Variants in CTNND2 observed in about 807,000 individuals in gnomAD.
CTNND2 encodes catenin delta-2.
In CTNND2, 22 loss-of-function variants were observed where a neutral mutation model predicts 144.4. That is an observed-to-expected ratio of 0.15 (90% CI 0.11 to 0.22). CTNND2 has a LOEUF of 0.22. CTNND2 is among the 10% of genes least tolerant of loss of function. The pLI, the probability that CTNND2 is intolerant of heterozygous loss-of-function variation, is 1.00. For missense variants in CTNND2, 1,353 were observed against 1,618.8 expected (o/e 0.84, Z 2.82); for synonymous variants, 751 against 695.6 (o/e 1.08, Z -1.25).
At position 11,276,825 on chromosome 5, in the gene CTNND2, A is replaced by G. The variant is rs546759802; in HGVS notation, c.1629-40002T>C. On this transcript the variant is annotated intron_variant, in intron 9 of 21. Coordinates refer to ENST00000304623, the MANE Select transcript of CTNND2 (RefSeq NM_001332.4). ...ACACAGAGAGGAAGGCCACGTGAAG[A>G]TGGAGGTGGAGATTGGAGTGGTGAG... Among the ~76,000 whole-genome samples, 34 of 152,238 alleles carry G rather than the reference A, an allele frequency of 2.2e-4. No homozygotes were observed. In the South Asian group the frequency reaches 7.1e-3, roughly 32 times the overall value.
intron 2 of CTNND2, among the ~76,000 whole-genome samples, chr5:11,715,650 CATGCA>C (rs1243533189): frequency 6.6e-6 from 1 of 152,142 alleles, no homozygotes; most frequent in Non-Finnish European, 1.5e-5. Flanking sequence ...TGCTTCAATT[CATGCA>C]TAGCTTCTTA....
intron 9 of CTNND2, among the ~76,000 whole-genome samples, chr5:11,252,442 C>G (rs1743763357): frequency 6.6e-6 from 1 of 152,162 alleles, no homozygotes; most frequent in African/African-American, 2.4e-5. Flanking sequence ...AGATTATCTC[C>G]TGTACATAAC....
intron 11 of CTNND2, 60 bp from the exon 12 acceptor site, chr5:11,159,819 C>G (rs1758589808): frequency 7.3e-7 from 1 of 1,368,232 alleles, no homozygotes; most frequent in African/African-American, 1.5e-5. Context: ...ATCTCCAAAA[C>G]TGTCTTCCTT....
At chr5:11,038,197 G>T (rs1046619917) in intron 16 of CTNND2, among the ~76,000 whole-genome samples, 6 of 152,112 alleles carry the variant, frequency 3.9e-5, no homozygotes, top group Admixed American at 2.6e-4. Flanking sequence ...TAGGGCAGGG[G>T]TCCCCAAGCC....
Position 10,973,758 on chromosome 5 carries a change from G to A in CTNND2, c.3418-45C>T, listed in dbSNP as rs372302309. 1 of 1,537,892 alleles carries A rather than the reference G, an allele frequency of 6.5e-7. No individual in the cohort carries two copies. Among genetic ancestry groups the A allele is most frequent in the Non-Finnish European group, 8.7e-7 (1 of 1,144,096 alleles). On this transcript the variant is annotated intron_variant, in intron 21 of 21. Coordinates refer to ENST00000304623, the MANE Select transcript of CTNND2 (RefSeq NM_001332.4). The surrounding 1 kb of genome is among the most constrained non-coding windows in gnomAD (Gnocchi z 5.6). Reference sequence around the variant, plus strand: ...CACACTGGGTTACTTGGTTTCCCTTGACTCAGCCTGCCTCTTGCCCCGGCA... The same window carrying A: ...CACACTGGGTTACTTGGTTTCCCTTAACTCAGCCTGCCTCTTGCCCCGGCA...
At position 11,359,425 on chromosome 5, in the gene CTNND2, C is replaced by T. The variant is rs117090975; in HGVS notation, c.1372+5271G>A. On this transcript the variant is annotated intron_variant, in intron 8 of 21. Transcript: ENST00000304623. ...TGGCCTTCCTCTCTGTTATACTACC[C>T]GCCTCCCCCTGTTAATGGTCCTGCA... 3.8e-4 allele frequency among the ~76,000 whole-genome samples: 58 copies of T among 152,220 alleles called. No homozygotes were observed. The East Asian group carries it at 9.1e-3, about 24-fold the overall frequency.
chr5:11,238,265 C>G (rs909114446), intron 9 of CTNND2, among the ~76,000 whole-genome samples: 1 of 152,138 alleles, frequency 6.6e-6, no homozygotes, highest in Non-Finnish European at 1.5e-5. Flanking sequence ...CAGGTAAAAA[C>G]TTGACCCCAC....
At chr5:11,063,387 T>C (rs1272008347) in intron 16 of CTNND2, among the ~76,000 whole-genome samples, 1 of 152,192 alleles carries the variant, frequency 6.6e-6, no homozygotes, top group Non-Finnish European at 1.5e-5. Context: ...ATATATTATT[T>C]TGATCAATTT....
chr5:11,736,793 G>T (rs2126753897), intron 1 of CTNND2, among the ~76,000 whole-genome samples: 1 of 152,224 alleles, frequency 6.6e-6, no homozygotes, highest in Non-Finnish European at 1.5e-5. Context: ...CAGCAATTCT[G>T]CCATTCCAGA....
At chr5:11,117,333 A>G in intron 13 of CTNND2, 117 bp downstream of exon 13, 1 of 760,118 alleles carries the variant, frequency 1.3e-6, no homozygotes, top group Non-Finnish European at 2.3e-6. Context: ...AAACCAGGAG[A>G]GAGTTCAGAA....
rs189970682 is a variant in CTNND2 at position 11,663,450 on chromosome 5, A to G, written c.174+68686T>C. Among the ~76,000 whole-genome samples the G allele has an allele frequency of 1.1e-4, 17 of 152,330 alleles. No individual in the cohort carries two copies. In the East Asian group the frequency reaches 3.3e-3, roughly 29 times the overall value. ...GGTGCTTAATGAGTAGAACAGAGAT[A>G]TTCCTGGAAGAAAAAGATGTCTATT... On this transcript the variant is annotated intron_variant, in intron 2 of 21. Coordinates refer to ENST00000304623, the MANE Select transcript of CTNND2 (RefSeq NM_001332.4).
chr5:11,707,402 C>T (rs1192671529), intron 2 of CTNND2, among the ~76,000 whole-genome samples: 3 of 152,104 alleles, frequency 2.0e-5, no homozygotes, highest in East Asian at 1.9e-4. Flanking sequence ...ATGCAGAGGC[C>T]GAACAATGAC....
At chr5:11,854,312 T>G (rs924186479) in intron 1 of CTNND2, among the ~76,000 whole-genome samples, 17 of 152,300 alleles carry the variant, frequency 1.1e-4, no homozygotes, top group Non-Finnish European at 1.5e-5. Flanking sequence ...ATTTCTCCAC[T>G]TTTATTTTGT....
chr5:10,987,691 C>T (rs1160687192), intron 20 of CTNND2, among the ~76,000 whole-genome samples: 1 of 83,236 alleles, frequency 1.2e-5, no homozygotes, highest in Non-Finnish European at 2.3e-5. Flanking sequence ...CCACTCTATT[C>T]CCCTCCCCAC....
chr5:11,771,645 C>T (rs933430987), intron 1 of CTNND2, among the ~76,000 whole-genome samples: 1 of 152,134 alleles, frequency 6.6e-6, no homozygotes, highest in African/African-American at 2.4e-5. Context: ...TCCTGACCCC[C>T]GTCTATTTAC....
intron 19 of CTNND2, among the ~76,000 whole-genome samples, chr5:10,989,295 C>T (rs1185992805): frequency 1.3e-5 from 2 of 152,270 alleles, no homozygotes; most frequent in East Asian, 1.9e-4. Context: ...GGTGCCGTGT[C>T]CTTCTGTCAG....
chr5:11,863,339 T>C (rs1004440368), intron 1 of CTNND2, among the ~76,000 whole-genome samples: 1 of 152,172 alleles, frequency 6.6e-6, no homozygotes, highest in Non-Finnish European at 1.5e-5. Flanking sequence ...TCTCAAAGGA[T>C]TTTGCTCAAT....
intron 5 of CTNND2, among the ~76,000 whole-genome samples, chr5:11,406,731 A>C (rs903509948): frequency 6.6e-6 from 1 of 152,204 alleles, no homozygotes; most frequent in African/African-American, 2.4e-5. Flanking sequence ...TGATTATTCT[A>C]TTTTAATTCC....
chr5:11,523,026 C>A (rs985026587), intron 3 of CTNND2, among the ~76,000 whole-genome samples: 1 of 152,150 alleles, frequency 6.6e-6, no homozygotes, highest in Non-Finnish European at 1.5e-5. Flanking sequence ...TGGTTGGATG[C>A]GATGGGCTGG....
Sources: gnomAD v4.1 joint callset for allele counts (sites outside exome capture counted in the v4.1 genomes callset) on GRCh38, gnomAD v4.1.1 for gene constraint, Gnocchi (gnomAD v3.1) non-coding constraint, MANE v1.5 for transcripts, NCBI Gene and HGNC (gene_info 2026-07-23, HGNC 2026-07-21) for gene names.